Variants in CTTNBP2 observed in about 807,000 individuals in gnomAD.
The protein encoded by CTTNBP2 is cortactin binding protein 2.
Under a neutral mutation model 156.9 loss-of-function variants are expected in CTTNBP2, and 108 were observed. The observed-to-expected ratio is 0.69, with a 90% CI of 0.59 to 0.81. The LOEUF (loss-of-function observed/expected upper bound fraction) is 0.81. Among genes scored for constraint, CTTNBP2 ranks in the 30% least tolerant of loss-of-function variants. The pLI is 0.00. For missense variants in CTTNBP2, 1,924 were observed against 2,035.4 expected, an observed-to-expected ratio of 0.95 and a Z score of 1.05; for synonymous variants, 767 against 751.8, an observed-to-expected ratio of 1.02 and a Z score of -0.33.
At chr7:117,717,757 AC>A (rs1794515144) in intron 22 of CTTNBP2, among the ~76,000 whole-genome samples, 3 of 151,858 alleles carry the variant, frequency 2.0e-5, no homozygotes, top group South Asian at 2.1e-4. Flanking sequence ...AAAAAAAAAA[AC>A]ATGGAGATCT....
At chr7:117,851,208 G>C (rs1188654689) in intron 2 of CTTNBP2, among the ~76,000 whole-genome samples, 2 of 151,842 alleles carry the variant, frequency 1.3e-5, no homozygotes, top group Non-Finnish European at 2.9e-5. Context: ...TTTGAGTCCA[G>C]GTTGAGCAAC....
At chr7:117,731,873 C>T (rs1795420288) in intron 16 of CTTNBP2, among the ~76,000 whole-genome samples, 1 of 152,158 alleles carries the variant, frequency 6.6e-6, no homozygotes, top group Non-Finnish European at 1.5e-5. Flanking sequence ...AATAGAGGGG[C>T]ACGCAGACAA....
intron 8 of CTTNBP2, among the ~76,000 whole-genome samples, chr7:117,768,113 A>ACACACC (rs1191743539): frequency 6.6e-6 from 1 of 151,618 alleles, no homozygotes; most frequent in Non-Finnish European, 1.5e-5. Flanking sequence ...ACACACACAC[A>ACACACC]CACCCACTTG....
chr7:117,783,205 G>A (rs542112947), intron 5 of CTTNBP2, among the ~76,000 whole-genome samples: 2 of 152,196 alleles, frequency 1.3e-5, no homozygotes, highest in African/African-American at 2.4e-5. Context: ...ATGCGCATGT[G>A]CCCATGCGTG....
At chr7:117,759,641 C>A (rs1797078910) in intron 10 of CTTNBP2, among the ~76,000 whole-genome samples, 1 of 152,178 alleles carries the variant, frequency 6.6e-6, no homozygotes, top group Non-Finnish European at 1.5e-5. Context: ...TGAAAGTACA[C>A]AAGCTTTTCT....
chr7:117,784,100 C>A, intron 5 of CTTNBP2, 151 bp downstream of exon 5: 1 of 545,150 alleles, frequency 1.8e-6, no homozygotes, highest in Non-Finnish European at 3.1e-6. Flanking sequence ...TTTATAAAAA[C>A]TTTAAATCTC....
chr7:117,815,557 G>T (rs947515299), intron 2 of CTTNBP2, among the ~76,000 whole-genome samples: 3 of 152,130 alleles, frequency 2.0e-5, no homozygotes, highest in Admixed American at 6.6e-5. Flanking sequence ...AACTTTCGGT[G>T]ACTTGGAAAT....
intron 2 of CTTNBP2, among the ~76,000 whole-genome samples, chr7:117,813,209 C>T (rs1023971912): frequency 6.6e-6 from 1 of 152,162 alleles, no homozygotes; most frequent in Non-Finnish European, 1.5e-5. Context: ...TAGAGGAACA[C>T]CCCCTTTTGC....
chr7:117,712,626 C>A (rs2116309195), intron 22 of CTTNBP2, among the ~76,000 whole-genome samples: 2 of 152,282 alleles, frequency 1.3e-5, no homozygotes, highest in South Asian at 4.1e-4. Context: ...AGCAATATAA[C>A]CATTACAAGA....
At chr7:117,795,245 G>A (rs1403642011) in intron 3 of CTTNBP2, among the ~76,000 whole-genome samples, 1 of 152,050 alleles carries the variant, frequency 6.6e-6, no homozygotes, top group African/African-American at 2.4e-5. Flanking sequence ...GCACAAATTT[G>A]ACATATTATT....
intron 3 of CTTNBP2, 31 bp downstream of exon 3, chr7:117,810,733 TG>T: frequency 6.4e-7 from 1 of 1,552,998 alleles, no homozygotes; most frequent in Non-Finnish European, 8.9e-7. Context: ...CACCATGTTG[TG>T]GGGAAAATGA....
intron 1 of CTTNBP2, among the ~76,000 whole-genome samples, chr7:117,864,219 G>C (rs1803958511): frequency 6.6e-6 from 1 of 151,902 alleles, no homozygotes; most frequent in Admixed American, 6.6e-5. Flanking sequence ...AAAAATATTG[G>C]TACAAGCATT....
chr7:117,775,873 CTTT>C (rs901836730), intron 8 of CTTNBP2, among the ~76,000 whole-genome samples: 2 of 152,090 alleles, frequency 1.3e-5, no homozygotes, highest in African/African-American at 4.8e-5. Flanking sequence ...TTTTTTATCT[CTTT>C]TGTCAAAGGG....
At chr7:117,715,680 T>C (rs1794313918) in intron 22 of CTTNBP2, 2 of 152,186 alleles carry the variant, frequency 1.3e-5, no homozygotes, top group African/African-American at 4.8e-5. Flanking sequence ...CCAATTACTC[T>C]CCCTTACTGT....
chr7:117,733,106 G>A (rs116590719), intron 16 of CTTNBP2, among the ~76,000 whole-genome samples: 1,982 of 152,252 alleles, frequency 0.013, 47 homozygotes, highest in African/African-American at 0.045. Flanking sequence ...GGAACTAGAA[G>A]AAGAAATTGT....
At chr7:117,764,377 C>T (rs1456997362) in intron 9 of CTTNBP2, among the ~76,000 whole-genome samples, 2 of 152,224 alleles carry the variant, frequency 1.3e-5, no homozygotes, top group Non-Finnish European at 2.9e-5. Context: ...AGCACATCCC[C>T]TTCAGTGCCT....
At chr7:117,810,705 G>A (rs1800222502) in intron 3 of CTTNBP2, 60 bp downstream of exon 3, 3 of 1,338,364 alleles carry the variant, frequency 2.2e-6, no homozygotes, top group Non-Finnish European at 3.2e-6. Flanking sequence ...CAACTTTGGA[G>A]GTGATCTCCT....
intron 12 of CTTNBP2, among the ~76,000 whole-genome samples, chr7:117,747,276 G>A (rs1796384471): frequency 6.6e-6 from 1 of 152,126 alleles, no homozygotes; most frequent in Non-Finnish European, 1.5e-5. Context: ...TCTCTCTCTT[G>A]TACTCTGATG....
chr7:117,814,277 T>G (rs4730804), intron 2 of CTTNBP2, among the ~76,000 whole-genome samples: 3,059 of 151,932 alleles, frequency 0.02, 111 homozygotes, highest in African/African-American at 0.07. Context: ...TGTGAAATAG[T>G]TTTTTACATG....
Sources: allele counts gnomAD v4.1 joint callset (sites outside exome capture counted in the v4.1 genomes callset), GRCh38; gene constraint gnomAD v4.1.1; transcripts MANE v1.5; gene names NCBI Gene and HGNC (gene_info 2026-07-23, HGNC 2026-07-21).